VIPR2: variants seen among roughly 807,000 people sequenced by gnomAD.
VIPR2 encodes vasoactive intestinal polypeptide receptor 2.
VIPR2 carries 48 observed loss-of-function variants against 58.0 expected under a neutral mutation model. The ratio of observed to expected loss-of-function variants is 0.83; its 90% CI spans 0.66 to 1.05. The LOEUF (loss-of-function observed/expected upper bound fraction) is 1.05, where lower values mean the gene tolerates loss of function less well. Among genes scored for constraint, VIPR2 ranks in the 50% least tolerant of loss-of-function variants. The pLI, the probability that VIPR2 is intolerant of heterozygous loss-of-function variation, is 0.00. For synonymous variants in VIPR2, 243 were observed against 235.2 expected (o/e 1.03, Z -0.30); for missense variants, 534 against 558.0 (o/e 0.96, Z 0.43).
At chr7:159,063,755 A>T (rs575034980) in intron 4 of VIPR2, among the ~76,000 whole-genome samples, 30 of 34,456 alleles carry the variant, frequency 8.7e-4, no homozygotes, top group African/African-American at 1.2e-3. Flanking sequence ...GATCTGGGGG[A>T]CCTGGCGGGG....
Position 159,030,400 on chromosome 7 carries a change from A to G in VIPR2, c.*216T>C, listed in dbSNP as rs1853468542. ...TATACGGCTGAAACACATTTTGCAC[A>G]AGATTATCTAAATGCTGGAGTTTAA... is the stretch of plus-strand genomic sequence containing the variant. On this transcript the variant is annotated 3_prime_UTR_variant, in exon 13 of 13. Coordinates refer to ENST00000262178, the MANE Select transcript of VIPR2 (RefSeq NM_003382.5). 1 of 498,956 alleles carries G rather than the reference A, an allele frequency of 2.0e-6. No individual in the cohort carries two copies. The highest frequency in any genetic ancestry group is 2.0e-5 in the African/African-American group (1 of 49,690). 30.9% of individuals were successfully genotyped at this position (498,956 alleles called of 1,614,324 possible).
At chr7:159,043,457 C>T (rs897812763) in intron 5 of VIPR2, among the ~76,000 whole-genome samples, 1 of 152,102 alleles carries the variant, frequency 6.6e-6, no homozygotes, top group Non-Finnish European at 1.5e-5. Flanking sequence ...AGTTTCCTAT[C>T]AACAATTAAA....
chr7:159,142,590 G>A (rs1166733038), intron 1 of VIPR2, 45 bp from the exon 2 acceptor site: 1 of 1,498,514 alleles, frequency 6.7e-7, no homozygotes, highest in Admixed American at 1.8e-5. Context: ...AATTCCACAA[G>A]AAGAAGAAAA....
intron 2 of VIPR2, among the ~76,000 whole-genome samples, chr7:159,119,468 G>C (rs1490995156): frequency 1.3e-5 from 2 of 152,200 alleles, no homozygotes; most frequent in Non-Finnish European, 2.9e-5. Flanking sequence ...TGCACCTGTA[G>C]GAGCCCAGAC....
intron 5 of VIPR2, among the ~76,000 whole-genome samples, chr7:159,043,474 T>G (rs764888615): frequency 6.6e-6 from 1 of 152,178 alleles, no homozygotes; most frequent in Non-Finnish European, 1.5e-5. Flanking sequence ...TAAAAAACTG[T>G]TAAAATCCCA....
chr7:159,102,208 C>T (rs1029418996), intron 4 of VIPR2, among the ~76,000 whole-genome samples: 24 of 145,672 alleles, frequency 1.6e-4, no homozygotes, highest in African/African-American at 4.4e-4. Flanking sequence ...TGATAGTGAA[C>T]GGGTCTCAGA....
chr7:159,088,551 C>T (rs916457859), intron 4 of VIPR2, among the ~76,000 whole-genome samples: 4 of 152,246 alleles, frequency 2.6e-5, no homozygotes, highest in African/African-American at 9.6e-5. Flanking sequence ...CACACCTATA[C>T]ACCTGCAAGG....
intron 2 of VIPR2, among the ~76,000 whole-genome samples, chr7:159,130,656 C>A (rs547957128): frequency 6.6e-6 from 1 of 152,308 alleles, no homozygotes; most frequent in African/African-American, 2.4e-5. Context: ...AGCCTCTGAG[C>A]CTTTGATGAG....
chr7:159,109,452 AGT>A (rs1287684173), intron 3 of VIPR2, among the ~76,000 whole-genome samples: 2 of 152,172 alleles, frequency 1.3e-5, no homozygotes, highest in Non-Finnish European at 2.9e-5. Context: ...AAACTTCCAG[AGT>A]GTGCTCTCTG....
chr7:159,030,902 G>A (rs1051206672), intron 12 of VIPR2, 113 bp from the exon 13 acceptor site: 4 of 1,328,690 alleles, frequency 3.0e-6, no homozygotes, highest in East Asian at 5.5e-5. Flanking sequence ...TCCCGTATCT[G>A]TGTTGCCAGC....
At chr7:159,082,548 A>G (rs1007855831) in intron 4 of VIPR2, among the ~76,000 whole-genome samples, 6 of 152,340 alleles carry the variant, frequency 3.9e-5, no homozygotes, top group Middle Eastern at 3.4e-3. Context: ...CAGCACACCA[A>G]CATGGCACAT....
At chr7:159,117,712 G>A (rs1041273889) in intron 2 of VIPR2, among the ~76,000 whole-genome samples, 1 of 152,198 alleles carries the variant, frequency 6.6e-6, no homozygotes, top group Non-Finnish European at 1.5e-5. Flanking sequence ...GCTGAGGGTG[G>A]GTGGCCCAGG....
chr7:159,054,577 G>A (rs1461479733), intron 5 of VIPR2, among the ~76,000 whole-genome samples: 2 of 152,108 alleles, frequency 1.3e-5, no homozygotes, highest in Non-Finnish European at 2.9e-5. Flanking sequence ...TTTCCACCAG[G>A]GAAATCAGGG....
chr7:159,096,971 G>T lies in VIPR2; in HGVS notation c.357+6786C>A, dbSNP rs1296668208. On this transcript the variant is annotated intron_variant, in intron 4 of 12. Coordinates refer to ENST00000262178, the MANE Select transcript of VIPR2 (RefSeq NM_003382.5). This position sits in a 1 kb window ranked among gnomAD's most constrained non-coding sequence, Gnocchi z 5.5. ...GAGCTTGGCACCTGCTGGGCCTGAG[G>T]ACCATGAGGGGAGGCTTCCTTCAGA... 6.4e-7 allele frequency: 1 copy of T among 1,550,648 alleles called. No homozygotes were observed. The highest frequency in any genetic ancestry group is 1.2e-5 in the South Asian group (1 of 84,056).
At chr7:159,053,696 G>A (rs73522282) in intron 5 of VIPR2, among the ~76,000 whole-genome samples, 13 of 152,200 alleles carry the variant, frequency 8.5e-5, no homozygotes, top group African/African-American at 3.1e-4. Context: ...GTGCCACCAC[G>A]GCCAGCTAAT....
chr7:159,065,758 G>A (rs372064778), intron 4 of VIPR2, among the ~76,000 whole-genome samples: 7 of 152,334 alleles, frequency 4.6e-5, no homozygotes, highest in African/African-American at 1.7e-4. Context: ...TCCGGTCTCA[G>A]AAACCCTCCG....
chr7:159,051,132 T>A (rs1398292591), intron 5 of VIPR2, among the ~76,000 whole-genome samples: 2 of 152,168 alleles, frequency 1.3e-5, no homozygotes, highest in Non-Finnish European at 2.9e-5. Flanking sequence ...AGGAAAATGA[T>A]TCCAGATGGA....
Position 159,031,587 on chromosome 7 carries a change from C to G in VIPR2, c.1143+241G>C, listed in dbSNP as rs1853589363. 1.0e-5 allele frequency: 10 copies of G among 985,210 alleles called. No homozygotes were observed. Among genetic ancestry groups the G allele is most frequent in the Admixed American group, 1.2e-4 (2 of 16,258 alleles). The allele number at this position is 985,210 out of a possible 1,614,324, so 61.0% of individuals were successfully genotyped here. A position where few individuals can be genotyped will look rare whatever the true frequency, so the allele number is the denominator to read the frequency against. ...TTTCCCGAGAGGGCTCCGAGACGGA[C>G]GGCAGTCGATGCTACTTAGGGTGGA... On this transcript the variant is annotated intron_variant, in intron 12 of 12. Coordinates refer to ENST00000262178, the MANE Select transcript of VIPR2 (RefSeq NM_003382.5). This position sits in a 1 kb window ranked among gnomAD's most constrained non-coding sequence, Gnocchi z 4.0.
chr7:159,136,502 A>G (rs1490622912), intron 2 of VIPR2, among the ~76,000 whole-genome samples: 1 of 152,090 alleles, frequency 6.6e-6, no homozygotes, highest in African/African-American at 2.4e-5. Flanking sequence ...GAAAGCGCAC[A>G]TTAGTGTCCA....
Sources: allele counts gnomAD v4.1 joint callset (sites outside exome capture counted in the v4.1 genomes callset), GRCh38; gene constraint gnomAD v4.1.1; non-coding constraint Gnocchi (gnomAD v3.1); transcripts MANE v1.5; gene names NCBI Gene and HGNC (gene_info 2026-07-23, HGNC 2026-07-21).